Variants in MLPH observed in about 807,000 individuals in gnomAD.
The protein encoded by MLPH is melanophilin.
Under a neutral mutation model 72.1 loss-of-function variants are expected in MLPH, and 51 were observed. The ratio of observed to expected loss-of-function variants is 0.71; its 90% CI spans 0.56 to 0.89. The LOEUF (loss-of-function observed/expected upper bound fraction) is 0.89. Ranked by LOEUF, MLPH falls within the 40% of genes least tolerant of loss-of-function variation. The pLI, the probability that MLPH is intolerant of heterozygous loss-of-function variation, is 0.00. For missense variants in MLPH, 743 were observed against 759.9 expected (o/e 0.98, Z 0.26); for synonymous variants, 301 against 310.1 (o/e 0.97, Z 0.31).
Position 237,534,552 on chromosome 2 carries a change from C to T in MLPH, c.1021-12C>T, listed in dbSNP as rs2080492418. 3.7e-6 allele frequency: 6 copies of T among 1,611,872 alleles called. No individual in the cohort carries two copies. The East Asian group carries it at 1.3e-4, about 36-fold the overall frequency. On this transcript the variant is annotated splice_polypyrimidine_tract_variant and intron_variant, in intron 8 of 15. Transcript: ENST00000264605. ...GGGTCCTCTGCCCACTGTTTCTCTC[C>T]TTCTGCTGCAGATCTTTGAGCTGAA...
At chr2:237,547,954 G>A (rs532761466) in intron 13 of MLPH, among the ~76,000 whole-genome samples, 2 of 152,276 alleles carry the variant, frequency 1.3e-5, no homozygotes, top group East Asian at 1.9e-4. Flanking sequence ...GCCCAGCGCA[G>A]CAGGGAGCCT....
chr2:237,542,665 T>A lies in MLPH; in HGVS notation c.1539+6T>A, dbSNP rs2080719319. ...GGAGGAAGTCAAACCTCCCGGTGAG[T>A]GGGGGGCAGTGGTGAGTGGAGACAG... On this transcript the variant is annotated splice_donor_region_variant and intron_variant, in intron 12 of 15. Transcript: ENST00000264605. The A allele has an allele frequency of 6.9e-7, 1 of 1,445,190 alleles. No individual in the cohort carries two copies. Among genetic ancestry groups the A allele is most frequent in the Non-Finnish European group, 9.2e-7 (1 of 1,082,912 alleles). The allele number at this position is 1,445,190 out of a possible 1,614,324, so 89.5% of individuals were successfully genotyped here.
chr2:237,496,294 G>T (rs942812527), intron 2 of MLPH, among the ~76,000 whole-genome samples: 32 of 152,194 alleles, frequency 2.1e-4, no homozygotes, highest in African/African-American at 7.5e-4. Flanking sequence ...AGCAAGTGGG[G>T]CCTGGGGGTC....
At chr2:237,547,177 G>A (rs1266445661) in intron 13 of MLPH, among the ~76,000 whole-genome samples, 4 of 152,264 alleles carry the variant, frequency 2.6e-5, no homozygotes, top group African/African-American at 4.8e-5. Context: ...GTGGCCTGGG[G>A]ACTTCTTCCA....
chr2:237,552,382 C>T lies in MLPH; in HGVS notation c.1721C>T (p.Ser574Leu). 10 of 1,614,084 alleles carry T rather than the reference C, an allele frequency of 6.2e-6. No individual in the cohort carries two copies. Among genetic ancestry groups the T allele is most frequent in the Non-Finnish European group, 8.5e-6 (10 of 1,180,030 alleles). The stretch of plus-strand genomic sequence containing the variant: ...GATCGGAAATCAGTGTACCGAGGCT[C>T]GCTGACACAGAGAAACCCCAACGCG... The part of the protein sequence containing the change: ...SFDRKSVYRG[S>L]LTQRNPNARK... The change falls in exon 15 of 16, where the codon TCG becomes TTG. Residue 574 changes from serine to leucine, a missense_variant. Physicochemically the swap from Ser to Leu is moderately radical, Grantham distance 145 (BLOSUM62 -2). Coordinates refer to ENST00000264605, the MANE Select transcript of MLPH (RefSeq NM_024101.7).
chr2:237,539,542 C>T (rs1026197813), intron 9 of MLPH, among the ~76,000 whole-genome samples: 6 of 152,182 alleles, frequency 3.9e-5, no homozygotes, highest in Admixed American at 6.5e-5. Flanking sequence ...TCACATAACT[C>T]TGCCACTTTC....
Position 237,510,599 on chromosome 2 carries a change from G to T in MLPH, c.136G>T (p.Glu46Ter). 6.2e-7 allele frequency: 1 copy of T among 1,613,438 alleles called. No individual in the cohort carries two copies. Among genetic ancestry groups the T allele is most frequent in the South Asian group, 1.1e-5 (1 of 91,080 alleles). Residue 46 changes from glutamate to a stop codon, truncating the protein, a stop_gained, in exon 3 of 16, where the codon GAA becomes TAA. Transcript: ENST00000264605. LOFTEE classifies it high-confidence loss of function. This position sits in a 1 kb window ranked among gnomAD's most constrained non-coding sequence, Gnocchi z 4.4. ...LEALKGKIKK[E>*]SSKRELLSDT... ...GGCGTTGAAGGGCAAGATTAAGAAG[G>T]AAAGCTCCAAGAGGGAGCTGCTTTC... is the stretch of plus-strand genomic sequence containing the variant.
At chr2:237,503,367 T>G (rs2079694084) in intron 2 of MLPH, among the ~76,000 whole-genome samples, 1 of 152,104 alleles carries the variant, frequency 6.6e-6, no homozygotes, top group African/African-American at 2.4e-5. Context: ...ACTCACTTCC[T>G]CTTCATCTTT....
At chr2:237,497,539 G>A (rs950644254) in intron 2 of MLPH, among the ~76,000 whole-genome samples, 76 of 152,310 alleles carry the variant, frequency 5.0e-4, no homozygotes, top group Admixed American at 3.3e-4. Context: ...GTCAAAACAC[G>A]CCTCGCAGTG....
rs796486376 is a variant in MLPH, at chr2:237,511,002, G to A, written c.346G>A (p.Gly116Ser). The change falls in exon 4 of 16, where the codon GGC becomes AGC. Residue 116 changes from glycine to serine, a missense_variant. Gly to Ser is a moderately conservative substitution (Grantham distance 56, BLOSUM62 0). Transcript: ENST00000264605. ...TTGTCCCTGCAGAGTCGTGAAGATCGGCTCACTGGAGTGGTACTATGAGCA... is the reference window on the plus strand; with the variant it reads ...TTGTCCCTGCAGAGTCGTGAAGATCAGCTCACTGGAGTGGTACTATGAGCA... ...PCHLARVVKIGSLEWYYEHVK... is the reference protein window; with the variant it reads ...PCHLARVVKISSLEWYYEHVK... 13 of 1,613,560 alleles carry A rather than the reference G, an allele frequency of 8.1e-6. No homozygotes were observed. The highest frequency in any genetic ancestry group is 8.0e-5 in the African/African-American group (6 of 74,794).
At chr2:237,546,105 G>A (rs1414360197) in intron 12 of MLPH, among the ~76,000 whole-genome samples, 1 of 152,224 alleles carries the variant, frequency 6.6e-6, no homozygotes, top group Non-Finnish European at 1.5e-5. Flanking sequence ...CAACCCTTAA[G>A]TGGGGGCTTC....
intron 9 of MLPH, among the ~76,000 whole-genome samples, chr2:237,536,271 C>T (rs935165222): frequency 2.0e-5 from 3 of 152,204 alleles, no homozygotes; most frequent in African/African-American, 7.2e-5. Flanking sequence ...GCCCAGCCCA[C>T]ATGCCATGTG....
At position 237,541,074 on chromosome 2, in the gene MLPH, T is replaced by A; in HGVS notation, c.1446+117T>A. Reference sequence around the variant, plus strand: ...CCAGCTCACACTGAGCCCTCCCCATTGGCCCAGCATGCACGGCTCTGAAGG... The same window carrying A: ...CCAGCTCACACTGAGCCCTCCCCATAGGCCCAGCATGCACGGCTCTGAAGG... On this transcript the variant is annotated intron_variant, in intron 11 of 15. Coordinates refer to ENST00000264605, the MANE Select transcript of MLPH (RefSeq NM_024101.7). The surrounding 1 kb of genome is among the most constrained non-coding windows in gnomAD (Gnocchi z 5.1). The A allele has an allele frequency of 7.5e-7, 1 of 1,342,184 alleles. No individual in the cohort carries two copies. The highest frequency in any genetic ancestry group is 1.0e-6 in the Non-Finnish European group (1 of 960,636). 83.1% of individuals were successfully genotyped at this position (1,342,184 alleles called of 1,614,324 possible).
At chr2:237,515,602 T>A (rs1244967346) in intron 4 of MLPH, among the ~76,000 whole-genome samples, 1 of 152,014 alleles carries the variant, frequency 6.6e-6, no homozygotes, top group African/African-American at 2.4e-5. Flanking sequence ...TAACTGAGAA[T>A]GGGAAAAGGA....
Position 237,543,365 on chromosome 2 carries a change from G to A in MLPH, c.1539+706G>A, listed in dbSNP as rs926833868. On this transcript the variant is annotated intron_variant, in intron 12 of 15. Transcript: ENST00000264605. ...GACAGTGGTGAGTGGGCACGGTAGT[G>A]AGTGGGGGGACAGTGGTGAGTGGGG... Among the ~76,000 whole-genome samples the A allele has an allele frequency of 3.4e-3, 57 of 16,972 alleles. 4 individuals are homozygous for A. The highest frequency in any genetic ancestry group is 3.8e-3 in the East Asian group (2 of 522). The allele number at this position is 16,972 out of a possible 152,430, so 11.1% of individuals were successfully genotyped here.
chr2:237,545,655 A>G (rs780334260), intron 12 of MLPH: 8 of 1,269,836 alleles, frequency 6.3e-6, no homozygotes, highest in Admixed American at 4.9e-5. Flanking sequence ...CGTCAGGCCA[A>G]CATCCTCCTC....
intron 8 of MLPH, among the ~76,000 whole-genome samples, chr2:237,528,540 G>A (rs1007221781): frequency 3.3e-5 from 5 of 151,930 alleles, no homozygotes; most frequent in Non-Finnish European, 5.9e-5. Flanking sequence ...TAGTAGAGAC[G>A]GGGTTTCACC....
chr2:237,506,125 AT>A (rs1280917549), intron 2 of MLPH, among the ~76,000 whole-genome samples: 1 of 152,238 alleles, frequency 6.6e-6, no homozygotes, highest in East Asian at 1.9e-4. Flanking sequence ...CATTTCCTAA[AT>A]TACTGAGAAC....
At chr2:237,509,622 C>T (rs2079847959) in intron 2 of MLPH, among the ~76,000 whole-genome samples, 1 of 152,202 alleles carries the variant, frequency 6.6e-6, no homozygotes, top group South Asian at 2.1e-4. Flanking sequence ...CCTACAACTG[C>T]TTGACCCTTT....
Sources: allele counts gnomAD v4.1 joint callset (sites outside exome capture counted in the v4.1 genomes callset), GRCh38; gene constraint gnomAD v4.1.1; non-coding constraint Gnocchi (gnomAD v3.1); transcripts MANE v1.5; gene names NCBI Gene and HGNC (gene_info 2026-07-23, HGNC 2026-07-21).